OXCT1: variants seen among roughly 807,000 people sequenced by gnomAD.
OXCT1 encodes succinyl-CoA:3-ketoacid coenzyme A transferase 1, mitochondrial.
OXCT1 carries 27 observed loss-of-function variants against 69.6 expected under a neutral mutation model. The observed-to-expected ratio is 0.39, with a 90% CI of 0.29 to 0.54. The LOEUF (loss-of-function observed/expected upper bound fraction) is 0.54. OXCT1 is among the 20% of genes least tolerant of loss of function. The pLI, the probability that OXCT1 is intolerant of heterozygous loss-of-function variation, is 0.72. For missense variants in OXCT1, 437 were observed against 650.2 expected (o/e 0.67, Z 3.57); for synonymous variants, 202 against 217.8 (o/e 0.93, Z 0.64).
intron 13 of OXCT1, among the ~76,000 whole-genome samples, chr5:41,773,056 C>T (rs903868563): frequency 6.6e-6 from 1 of 152,164 alleles, no homozygotes; most frequent in Non-Finnish European, 1.5e-5. Flanking sequence ...TTTCTCCTTT[C>T]AACACCAAAA....
At chr5:41,733,872 ATCTG>A (rs1254624762) in intron 16 of OXCT1, among the ~76,000 whole-genome samples, 1 of 152,210 alleles carries the variant, frequency 6.6e-6, no homozygotes, top group Non-Finnish European at 1.5e-5. Flanking sequence ...TGCCAACGTG[ATCTG>A]CAGGCTAAGC....
chr5:41,780,612 G>A (rs770660732), intron 13 of OXCT1, among the ~76,000 whole-genome samples: 1 of 152,008 alleles, frequency 6.6e-6, no homozygotes, highest in East Asian at 1.9e-4. Context: ...AATTATTATA[G>A]CTGATAAGAA....
At chr5:41,849,276 G>A (rs1399575331) in intron 5 of OXCT1, among the ~76,000 whole-genome samples, 1 of 152,128 alleles carries the variant, frequency 6.6e-6, no homozygotes, top group Admixed American at 6.6e-5. Context: ...GATTTACTAC[G>A]TTCACTTCCC....
rs1749733271 is a variant in OXCT1, at chr5:41,861,442, G to T, written c.188-38C>A. On this transcript the variant is annotated intron_variant, in intron 2 of 16. Coordinates refer to ENST00000196371, the MANE Select transcript of OXCT1 (RefSeq NM_000436.4). ...CAAAAAATAAACAATTTGTAAAGGG[G>T]GTAACAATGTTCTTTCAGAGAAGTG... 10 of 1,134,612 alleles carry T rather than the reference G, an allele frequency of 8.8e-6. No individual in the cohort carries two copies. In the East Asian group the frequency reaches 2.3e-4, roughly 27 times the overall value. The allele number at this position is 1,134,612 out of a possible 1,614,324, so 70.3% of individuals were successfully genotyped here.
At chr5:41,798,899 G>A (rs1255600480) in intron 11 of OXCT1, among the ~76,000 whole-genome samples, 1 of 152,168 alleles carries the variant, frequency 6.6e-6, no homozygotes, top group Non-Finnish European at 1.5e-5. Flanking sequence ...ACAAGCAGGA[G>A]ACTGGGTATG....
chr5:41,782,764 G>A (rs1171958085), intron 13 of OXCT1, among the ~76,000 whole-genome samples: 1 of 152,130 alleles, frequency 6.6e-6, no homozygotes, highest in Admixed American at 6.6e-5. Context: ...AAACATGGAA[G>A]GTTCTTTGTA....
At chr5:41,735,357 T>C (rs1312614769) in intron 16 of OXCT1, among the ~76,000 whole-genome samples, 1 of 152,124 alleles carries the variant, frequency 6.6e-6, no homozygotes, top group Non-Finnish European at 1.5e-5. Flanking sequence ...AAAGGGCAAA[T>C]ACTGTATAAC....
Position 41,762,182 on chromosome 5 carries a change from T to C in OXCT1, c.1267A>G (p.Met423Val). ...WMIPGKMVKGMGGAMDLVSSA... is the reference protein window; with the variant it reads ...WMIPGKMVKGVGGAMDLVSSA... ...GACACTAAATCCATAGCACCTCCCA[T>C]TCCTTTCACCATCTTCCCCTGCAAA... is the stretch of plus-strand genomic sequence containing the variant. Residue 423 changes from methionine (M) to valine (V), a missense_variant, in exon 14 of 17, where the codon ATG becomes GTG. Physicochemically the swap from Met to Val is conservative, Grantham distance 21 (BLOSUM62 1). Around this residue, in one of 4 missense-constraint regions of OXCT1, gnomAD observed 102 missense variants for 162.1 expected, o/e 0.63. Transcript: ENST00000196371. The surrounding 1 kb of genome is among the most constrained non-coding windows in gnomAD (Gnocchi z 4.0). The C allele has an allele frequency of 1.2e-6, 2 of 1,612,994 alleles. No homozygotes were observed. The highest frequency in any genetic ancestry group is 3.3e-5 in the Admixed American group (2 of 59,974).
intron 1 of OXCT1, among the ~76,000 whole-genome samples, chr5:41,869,495 C>T (rs1750173920): frequency 6.6e-6 from 1 of 152,200 alleles, no homozygotes; most frequent in Non-Finnish European, 1.5e-5. Flanking sequence ...GTGGGAATGC[C>T]TCCGGATACC....
intron 7 of OXCT1, among the ~76,000 whole-genome samples, chr5:41,822,784 GATTA>G (rs1747619896): frequency 6.6e-6 from 1 of 152,058 alleles, no homozygotes; most frequent in Non-Finnish European, 1.5e-5. Context: ...GCTTTCTTTT[GATTA>G]ATGTTAGAAT....
intron 5 of OXCT1, among the ~76,000 whole-genome samples, 189 bp downstream of exon 5, chr5:41,849,841 T>C (rs1749095053): frequency 6.6e-6 from 1 of 152,232 alleles, no homozygotes; most frequent in Non-Finnish European, 1.5e-5. Context: ...CTTTTTATTG[T>C]AGTTTCTCTA....
rs1561347281 is a variant in OXCT1, at chr5:41,731,531, T to C, written c.*198A>G. 2.1e-6 allele frequency: 2 copies of C among 935,330 alleles called. No homozygotes were observed. The highest frequency in any genetic ancestry group is 1.6e-6 in the Non-Finnish European group (1 of 641,974). The allele number at this position is 935,330 out of a possible 1,614,324, so 57.9% of individuals were successfully genotyped here. On this transcript the variant is annotated 3_prime_UTR_variant, in exon 17 of 17. Coordinates refer to ENST00000196371, the MANE Select transcript of OXCT1 (RefSeq NM_000436.4). ...TCAGCCTTAACAAATGAGATAATTA[T>C]AAATGCTCCTTTTGCTTTTTATTAA... is the stretch of plus-strand genomic sequence containing the variant.
At position 41,805,653 on chromosome 5, in the gene OXCT1, C is replaced by A. The variant is rs138806071; in HGVS notation, c.869G>T (p.Gly290Val). 10 of 1,611,694 alleles carry A rather than the reference C, an allele frequency of 6.2e-6. No individual in the cohort carries two copies. Among genetic ancestry groups the A allele is most frequent in the Non-Finnish European group, 8.5e-6 (10 of 1,178,100 alleles). Residue 290 changes from glycine (G) to valine (V), a missense_variant, in exon 9 of 17, where the codon GGG becomes GTG. Around this residue, in one of 4 missense-constraint regions of OXCT1, gnomAD observed 252 missense variants for 397.4 expected, o/e 0.63. Coordinates refer to ENST00000196371, the MANE Select transcript of OXCT1 (RefSeq NM_000436.4). ...TCCAGGTTTAGCAGATTTGGCTTCCCCATCTCCCTCTTTCCGGATTGATAA... is the reference window on the plus strand; with the variant it reads ...TCCAGGTTTAGCAGATTTGGCTTCCACATCTCCCTCTTTCCGGATTGATAA... The part of the protein sequence containing the change: ...ERLSIRKEGD[G>V]EAKSAKPGDD...
chr5:41,852,700 T>C (rs1749237212), intron 4 of OXCT1, among the ~76,000 whole-genome samples: 2 of 152,166 alleles, frequency 1.3e-5, no homozygotes, highest in East Asian at 1.9e-4. Flanking sequence ...TACTCAGATA[T>C]AGTCACATGC....
In OXCT1 at chr5:41,731,305, A is replaced by C; in HGVS notation, c.*424T>G. 4.3e-6 allele frequency: 4 copies of C among 935,230 alleles called. No individual in the cohort carries two copies. The highest frequency in any genetic ancestry group is 5.1e-6 in the Non-Finnish European group (4 of 777,822). The allele number at this position is 935,230 out of a possible 1,614,324, so 57.9% of individuals were successfully genotyped here. A position where few individuals can be genotyped will look rare whatever the true frequency, so the allele number is the denominator to read the frequency against. Reference sequence around the variant, plus strand: ...AAGAAAAGTCAGAGGAGGCTGAAGAAAAAACAATCATGACAGCAACTCTCC... The same window carrying C: ...AAGAAAAGTCAGAGGAGGCTGAAGACAAAACAATCATGACAGCAACTCTCC... On this transcript the variant is annotated 3_prime_UTR_variant, in exon 17 of 17. Transcript: ENST00000196371.
At chr5:41,793,946 T>G (rs1475631786) in intron 13 of OXCT1, 57 bp downstream of exon 13, 8 of 1,036,914 alleles carry the variant, frequency 7.7e-6, no homozygotes, top group African/African-American at 3.1e-5. Flanking sequence ...TTTCTTAGTA[T>G]TTAAAATATA....
chr5:41,817,059 A>G (rs1747281234), intron 7 of OXCT1, among the ~76,000 whole-genome samples: 1 of 152,232 alleles, frequency 6.6e-6, no homozygotes, highest in Non-Finnish European at 1.5e-5. Flanking sequence ...TCTTCCTGGC[A>G]TATAAACTCA....
intron 13 of OXCT1, among the ~76,000 whole-genome samples, chr5:41,778,733 A>G (rs1220464848): frequency 3.3e-5 from 5 of 152,228 alleles, no homozygotes; most frequent in Non-Finnish European, 7.3e-5. Context: ...AGAAGCGGTC[A>G]ATGTATCATT....
intron 14 of OXCT1, among the ~76,000 whole-genome samples, chr5:41,753,228 T>C (rs147029370): frequency 2.0e-5 from 3 of 151,978 alleles, no homozygotes; most frequent in African/African-American, 7.3e-5. Context: ...CCTCATTTCA[T>C]GCTCATCTTT....
Sources: gnomAD v4.1 joint callset for allele counts (sites outside exome capture counted in the v4.1 genomes callset) on GRCh38, gnomAD v4.1.1 for gene constraint, gnomAD v4.1.1 regional missense constraint, Gnocchi (gnomAD v3.1) non-coding constraint, MANE v1.5 for transcripts, NCBI Gene and HGNC (gene_info 2026-07-23, HGNC 2026-07-21) for gene names.